SNAPC3: variants seen among roughly 807,000 people sequenced by gnomAD.
SNAPC3 encodes the protein small nuclear RNA activating complex polypeptide 3, also known as snRNA-activating protein complex subunit 3.
SNAPC3 carries 56 observed loss-of-function variants against 47.7 expected under a neutral mutation model. The observed-to-expected ratio is 1.18, with a 90% CI of 0.95 to 1.47. SNAPC3 has a LOEUF of 1.47. Ranked by LOEUF, SNAPC3 falls within the 40% of genes most tolerant of loss-of-function variation. The pLI, the probability that SNAPC3 is intolerant of heterozygous loss-of-function variation, is 0.00. For missense variants in SNAPC3, 665 were observed against 511.3 expected (o/e 1.30, Z -2.90); for synonymous variants, 235 against 189.9 (o/e 1.24, Z -1.95).
intron 6 of SNAPC3, among the ~76,000 whole-genome samples, chr9:15,452,006 C>T (rs1397110467): frequency 6.6e-6 from 1 of 152,090 alleles, no homozygotes; most frequent in Non-Finnish European, 1.5e-5. Context: ...TTCTGTCACC[C>T]AGTCTGGAGT....
chr9:15,439,158 C>G (rs895366696), intron 3 of SNAPC3, among the ~76,000 whole-genome samples: 1 of 152,112 alleles, frequency 6.6e-6, no homozygotes, highest in Non-Finnish European at 1.5e-5. Context: ...TGTAAACTTG[C>G]GCCACTATGC....
chr9:15,447,612 A>G (rs1157764344), intron 5 of SNAPC3, among the ~76,000 whole-genome samples: 1 of 151,780 alleles, frequency 6.6e-6, no homozygotes, highest in African/African-American at 2.4e-5. Flanking sequence ...GTGACCACCT[A>G]ATTTTCTAAG....
downstream of SNAPC3, chr9:15,462,133 G>A (rs531645704): frequency 6.6e-6 from 1 of 152,042 alleles, no homozygotes; most frequent in Non-Finnish European, 1.5e-5. Context: ...GTTAATTATT[G>A]TCATAATGCA....
rs186579804 is a variant in SNAPC3 at position 15,440,779 on chromosome 9, C to G, written c.478-3823C>G. On this transcript the variant is annotated intron_variant, in intron 3 of 8. Transcript: ENST00000380821. ...CCTGGCTAACACAGTGAAACCCCGT[C>G]TCTACTAAAAATACAAAAAATTAGC... is the stretch of plus-strand genomic sequence containing the variant. Among the ~76,000 whole-genome samples, 189 of 152,238 alleles carry G rather than the reference C, an allele frequency of 1.2e-3. 1 individual carries two copies. Among genetic ancestry groups the G allele is most frequent in the African/African-American group, 4.3e-3 (179 of 41,528 alleles).
chr9:15,443,182 C>T (rs928525115), intron 3 of SNAPC3, among the ~76,000 whole-genome samples: 4 of 151,848 alleles, frequency 2.6e-5, no homozygotes, highest in East Asian at 1.9e-4. Context: ...AGAGGGAGAC[C>T]GTGGGGAGAG....
At position 15,455,386 on chromosome 9, in the gene SNAPC3, G is replaced by A. The variant is rs1032266880; in HGVS notation, c.980+2181G>A. On this transcript the variant is annotated intron_variant, in intron 7 of 8. Coordinates refer to ENST00000380821, the MANE Select transcript of SNAPC3 (RefSeq NM_001039697.2). Reference sequence around the variant, plus strand: ...GTTCAAGACCGGCCTGGCCAACATGGTGAAATCCTGTCTCTACTAAAAATA... The same window carrying A: ...GTTCAAGACCGGCCTGGCCAACATGATGAAATCCTGTCTCTACTAAAAATA... Among the ~76,000 whole-genome samples, 15 of 152,106 alleles carry A rather than the reference G, an allele frequency of 9.9e-5. 1 individual carries two copies. The highest frequency in any genetic ancestry group is 3.4e-4 in the African/African-American group (14 of 41,400).
chr9:15,423,019 T>G lies in SNAPC3; in HGVS notation c.140T>G (p.Phe47Cys). 1.9e-6 allele frequency: 3 copies of G among 1,540,678 alleles called. No individual in the cohort carries two copies. The highest frequency in any genetic ancestry group is 1.7e-6 in the Non-Finnish European group (2 of 1,150,398). ...LNTRAFHVGA[F>C]GELWRGRLRG... is the part of the protein sequence containing the mutation. ...ACGCGCGCTTTCCATGTGGGCGCCT[T>G]TGGGGAGCTGTGGCGGGGCCGTCTG... The change falls in exon 1 of 9, where the codon TTT becomes TGT. Residue 47 changes from phenylalanine (F) to cysteine (C), a missense_variant. Coordinates refer to ENST00000380821, the MANE Select transcript of SNAPC3 (RefSeq NM_001039697.2).
intron 5 of SNAPC3, among the ~76,000 whole-genome samples, chr9:15,448,874 A>G (rs965526503): frequency 5.3e-5 from 8 of 151,844 alleles, no homozygotes; most frequent in African/African-American, 1.9e-4. Context: ...CGATGATGCA[A>G]TCTCGGCTCA....
chr9:15,452,172 A>G (rs2034439186), intron 6 of SNAPC3, among the ~76,000 whole-genome samples: 2 of 152,176 alleles, frequency 1.3e-5, no homozygotes, highest in Non-Finnish European at 2.9e-5. Flanking sequence ...CATGTTGGCC[A>G]GGCTGGTCTT....
chr9:15,459,451 G>T (rs972664351), intron 8 of SNAPC3, among the ~76,000 whole-genome samples: 2 of 152,178 alleles, frequency 1.3e-5, no homozygotes, highest in African/African-American at 4.8e-5. Flanking sequence ...CTTTCAAATA[G>T]ATTTATATTC....
chr9:15,446,765 C>T (rs2033964005), intron 4 of SNAPC3, among the ~76,000 whole-genome samples: 1 of 152,010 alleles, frequency 6.6e-6, no homozygotes, highest in African/African-American at 2.4e-5. Context: ...CGAACAATTC[C>T]AGTAGGTTTG....
chr9:15,452,798 C>A (rs190244395), intron 6 of SNAPC3, among the ~76,000 whole-genome samples: 34 of 152,296 alleles, frequency 2.2e-4, no homozygotes, highest in Non-Finnish European at 4.4e-4. Context: ...GGCATTGTTA[C>A]ACATTTTGCA....
At chr9:15,433,810 C>G (rs530134661) in intron 3 of SNAPC3, 174 bp downstream of exon 3, 1 of 426,908 alleles carries the variant, frequency 2.3e-6, no homozygotes, top group Non-Finnish European at 4.1e-6. Context: ...CCTTAGAACT[C>G]AAGTGACCAC....
chr9:15,441,178 C>T (rs1445857214), intron 3 of SNAPC3, among the ~76,000 whole-genome samples: 4 of 83,360 alleles, frequency 4.8e-5, no homozygotes, highest in Non-Finnish European at 9.1e-5. Context: ...AAGTCAGTTG[C>T]TGTAACGTCT....
rs34074367 is a variant in SNAPC3 at position 15,428,111 on chromosome 9, CAA to C, written c.392+4146_392+4147del. Among the ~76,000 whole-genome samples, 216 of 73,002 alleles carry C rather than the reference CAA, an allele frequency of 3.0e-3. 3 individuals carry two copies. Among genetic ancestry groups the C allele is most frequent in the East Asian group, 5.8e-3 (14 of 2,404 alleles). 47.9% of individuals were successfully genotyped at this position (73,002 alleles called of 152,430 possible). A position where few individuals can be genotyped will look rare whatever the true frequency, so the allele number is the denominator to read the frequency against. ...GGGTGACACAGCGCAACTCTGTCTC[CAA>C]AAAAAAAAAAAAAAAAAAAACTGTC... On this transcript the variant is annotated intron_variant, in intron 2 of 8. Coordinates refer to ENST00000380821, the MANE Select transcript of SNAPC3 (RefSeq NM_001039697.2).
Position 15,423,091 on chromosome 9 carries a change from T to A in SNAPC3, c.212T>A (p.Leu71Gln). 6.5e-7 allele frequency: 1 copy of A among 1,533,948 alleles called. No homozygotes were observed. The highest frequency in any genetic ancestry group is 8.7e-7 in the Non-Finnish European group (1 of 1,149,348). Residue 71 changes from leucine (L) to glutamine (Q), a missense_variant, in exon 1 of 9, where the codon CTG becomes CAG. Physicochemically the swap from Leu to Gln is moderately radical, Grantham distance 113 (BLOSUM62 -2). Coordinates refer to ENST00000380821, the MANE Select transcript of SNAPC3 (RefSeq NM_001039697.2). ...CTGAGGGAGCCGCCGGCATCCGCTC[T>A]GCCTGGGAGCCAGGCAGCTGACTCC... ...LSLREPPASA[L>Q]PGSQAADSDR...
At chr9:15,465,514 GTCAA>G (rs1302736113), downstream of SNAPC3, 2 of 1,540,966 alleles carry the variant, frequency 1.3e-6, no homozygotes, top group African/African-American at 2.8e-5. Context: ...TTCCAGGTAT[GTCAA>G]CCTAGTTATC....
intron 2 of SNAPC3, among the ~76,000 whole-genome samples, chr9:15,433,248 A>G (rs2032387520): frequency 1.3e-5 from 2 of 151,620 alleles, no homozygotes; most frequent in Admixed American, 1.3e-4. Flanking sequence ...GCCATGTGGG[A>G]TCCTGGATAG....
downstream of SNAPC3, chr9:15,465,692 C>A: frequency 2.4e-6 from 2 of 843,608 alleles, no homozygotes; most frequent in Non-Finnish European, 3.6e-6. Context: ...CTGAAACCAA[C>A]CAAACAAAAG....
Sources: allele counts gnomAD v4.1 joint callset (sites outside exome capture counted in the v4.1 genomes callset), GRCh38; gene constraint gnomAD v4.1.1; transcripts MANE v1.5; gene names NCBI Gene and HGNC (gene_info 2026-07-23, HGNC 2026-07-21).